The following PCDH15 variants were observed in gnomAD, a reference collection of about 807,000 sequenced individuals.
PCDH15 encodes protocadherin related 15, also known as protocadherin-15.
In PCDH15, 129 loss-of-function variants were observed where a neutral mutation model predicts 178.5. That is an observed-to-expected ratio of 0.72 (90% confidence interval 0.63 to 0.84). PCDH15 has a LOEUF of 0.84. PCDH15 is among the 40% of genes least tolerant of loss of function. The pLI is 0.00. For synonymous variants in PCDH15, 800 were observed against 732.0 expected (o/e 1.09, Z -1.50); for missense variants, 2,230 against 2,099.9 (o/e 1.06, Z -1.21).
intron 9 of PCDH15, among the ~76,000 whole-genome samples, chr10:54,226,917 C>T (rs1379702711): frequency 3.9e-5 from 6 of 152,318 alleles, no homozygotes; most frequent in South Asian, 4.1e-4. Flanking sequence ...CCATGTCTCA[C>T]ATCCAGGTCA....
Position 54,757,462 on chromosome 10 carries a change from T to A in PCDH15, c.-29+43463A>T, listed in dbSNP as rs1025683413. Among the ~76,000 whole-genome samples, 6 of 88,370 alleles carry A rather than the reference T, an allele frequency of 6.8e-5. 2 individuals are homozygous for A. Among genetic ancestry groups the A allele is most frequent in the African/African-American group, 3.1e-4 (6 of 19,524 alleles). The allele number at this position is 88,370 out of a possible 152,430, so 58.0% of individuals were successfully genotyped here. A position where few individuals can be genotyped will look rare whatever the true frequency, so the allele number is the denominator to read the frequency against. ...CATGCCCGGCTAATTTTTGTATTTT[T>A]AGTAGAGACGGGGTTTCACCGTGTC... On this transcript the variant is annotated intron_variant, in intron 1 of 37. Transcript: ENST00000644397.
At chr10:55,136,713 A>G (rs1838206897) in intron 2 of PCDH15, among the ~76,000 whole-genome samples, 1 of 152,186 alleles carries the variant, frequency 6.6e-6, no homozygotes, top group South Asian at 2.1e-4. Context: ...AAACTAAAGC[A>G]AAGTAATATT....
At chr10:55,107,484 CTTTTTTTTTT>C (rs11290952) in intron 2 of PCDH15, among the ~76,000 whole-genome samples, 1 of 86,206 alleles carries the variant, frequency 1.2e-5, no homozygotes, top group Non-Finnish European at 2.0e-5. Context: ...ATTCTCTTTC[CTTTTTTTTTT>C]TTTTTTTTTT....
At chr10:54,060,822 A>G (rs1344729176) in intron 18 of PCDH15, among the ~76,000 whole-genome samples, 1 of 152,138 alleles carries the variant, frequency 6.6e-6, no homozygotes, top group Non-Finnish European at 1.5e-5. Context: ...TCGTCTCATT[A>G]AAGTATGTAA....
chr10:55,204,578 C>T (rs1411427530), intron 1 of PCDH15, among the ~76,000 whole-genome samples: 6 of 152,078 alleles, frequency 3.9e-5, no homozygotes, highest in Middle Eastern at 6.8e-3. Context: ...GCATGATCTG[C>T]TAAAGGTCTA....
rs1042848371 is a variant in PCDH15 at position 54,214,418 on chromosome 10, A to G, written c.986-370T>C. Reference sequence around the variant, plus strand: ...TTATAACTGTTTGGTCTTTCAACATATATTGTAATAAATGATTAGTAATTT... The same window carrying G: ...TTATAACTGTTTGGTCTTTCAACATGTATTGTAATAAATGATTAGTAATTT... On this transcript the variant is annotated intron_variant, in intron 9 of 37. Coordinates refer to ENST00000644397, the MANE Select transcript of PCDH15 (RefSeq NM_001384140.1). Among the ~76,000 whole-genome samples, 5 of 152,282 alleles carry G rather than the reference A, an allele frequency of 3.3e-5. No individual in the cohort carries two copies. The South Asian group carries it at 1.0e-3, about 32-fold the overall frequency.
At chr10:54,860,980 C>T (rs1953831003) in intron 3 of PCDH15, among the ~76,000 whole-genome samples, 1 of 152,086 alleles carries the variant, frequency 6.6e-6, no homozygotes, top group South Asian at 2.1e-4. Context: ...AATTTAAGTG[C>T]TCTGTCCCAA....
chr10:55,359,225 T>A (rs1845159489), intron 2 of PCDH15, among the ~76,000 whole-genome samples: 1 of 151,914 alleles, frequency 6.6e-6, no homozygotes, highest in Non-Finnish European at 1.5e-5. Context: ...AATTAGTTTT[T>A]TTTTTAAATG....
At chr10:55,173,336 T>TGTGTGC (rs1839391304) in intron 1 of PCDH15, among the ~76,000 whole-genome samples, 1 of 150,850 alleles carries the variant, frequency 6.6e-6, no homozygotes, top group Non-Finnish European at 1.5e-5. Context: ...TGTGTGTGTG[T>TGTGTGC]GTGTGTGTGT....
At chr10:55,100,244 A>C (rs1327860555) in intron 2 of PCDH15, among the ~76,000 whole-genome samples, 2 of 152,128 alleles carry the variant, frequency 1.3e-5, no homozygotes, top group Non-Finnish European at 2.9e-5. Context: ...GAGTCCCTAA[A>C]CTACATTTCT....
intron 3 of PCDH15, among the ~76,000 whole-genome samples, chr10:54,524,286 T>C (rs1222624854): frequency 1.3e-5 from 2 of 152,202 alleles, no homozygotes; most frequent in African/African-American, 4.8e-5. Flanking sequence ...CAGGGTGGGT[T>C]TTCTAATCTC....
At chr10:54,757,650 A>C (rs10763141) in intron 1 of PCDH15, among the ~76,000 whole-genome samples, 1 of 151,862 alleles carries the variant, frequency 6.6e-6, no homozygotes, top group Non-Finnish European at 1.5e-5. Flanking sequence ...TGGTAGTCAC[A>C]GTGCTATGCC....
chr10:55,511,280 T>C (rs1034974075), intron 2 of PCDH15, among the ~76,000 whole-genome samples: 1 of 151,990 alleles, frequency 6.6e-6, no homozygotes, highest in East Asian at 1.9e-4. Context: ...TGGTAACAGA[T>C]ACTAAGTTTC....
At chr10:55,423,593 A>G (rs1054931616) in intron 2 of PCDH15, among the ~76,000 whole-genome samples, 3 of 152,060 alleles carry the variant, frequency 2.0e-5, no homozygotes. Flanking sequence ...TGTTTAGAGC[A>G]AGGAATACTA....
chr10:54,066,676 G>A, intron 18 of PCDH15, 81 bp downstream of exon 18: 2 of 1,428,528 alleles, frequency 1.4e-6, no homozygotes, highest in Non-Finnish European at 9.8e-7. Context: ...CATTAGCTGA[G>A]TTTCTTTTGA....
chr10:54,767,151 T>A (rs1948612647), intron 1 of PCDH15, among the ~76,000 whole-genome samples: 1 of 152,154 alleles, frequency 6.6e-6, no homozygotes, highest in Admixed American at 6.5e-5. Context: ...AATACGTAAC[T>A]GTTTGGCTCA....
At chr10:54,974,591 A>G (rs1219473669) in intron 2 of PCDH15, among the ~76,000 whole-genome samples, 1 of 151,926 alleles carries the variant, frequency 6.6e-6, no homozygotes, top group Non-Finnish European at 1.5e-5. Context: ...TTACCTTTTT[A>G]CTTTCTTAAC....
chr10:54,254,434 T>A (rs1216848655), intron 8 of PCDH15, among the ~76,000 whole-genome samples: 1 of 152,148 alleles, frequency 6.6e-6, no homozygotes, highest in Non-Finnish European at 1.5e-5. Context: ...TGATAGATAG[T>A]CTTGGTGGGA....
At chr10:54,384,707 C>T (rs747810447) in intron 3 of PCDH15, among the ~76,000 whole-genome samples, 3 of 152,054 alleles carry the variant, frequency 2.0e-5, no homozygotes, top group Non-Finnish European at 4.4e-5. Flanking sequence ...GAACTTTAAT[C>T]ACAGAACAAA....
Sources: gnomAD v4.1 joint callset for allele counts (sites outside exome capture counted in the v4.1 genomes callset) on GRCh38, gnomAD v4.1.1 for gene constraint, MANE v1.5 for transcripts, NCBI Gene and HGNC (gene_info 2026-07-23, HGNC 2026-07-21) for gene names.